SDK1: variants seen among roughly 807,000 people sequenced by gnomAD.
SDK1 encodes the protein protein sidekick-1.
SDK1 carries 157 observed loss-of-function variants against 245.5 expected under a neutral mutation model. The observed-to-expected ratio is 0.64, with a 90% CI of 0.56 to 0.73. SDK1 has a LOEUF of 0.73. Ranked by LOEUF, SDK1 falls within the 30% of genes least tolerant of loss-of-function variation. SDK1 has a pLI of 0.00. For missense variants in SDK1, 3,583 were observed against 3,002.3 expected, an observed-to-expected ratio of 1.19 and a Z score of -4.52; for synonymous variants, 1,647 against 1,278.5, an observed-to-expected ratio of 1.29 and a Z score of -6.15.
intron 20 of SDK1, among the ~76,000 whole-genome samples, chr7:4,075,406 C>T (rs192020452): frequency 1.3e-5 from 2 of 152,274 alleles, no homozygotes; most frequent in Admixed American, 1.3e-4. Flanking sequence ...CAACTCCTAG[C>T]TTTATTTATT....
intron 4 of SDK1, among the ~76,000 whole-genome samples, chr7:3,666,066 A>G (rs1483305685): frequency 6.6e-6 from 1 of 152,120 alleles, no homozygotes; most frequent in Non-Finnish European, 1.5e-5. Context: ...CCTGCAGGAA[A>G]TCTCAGCTGA....
At chr7:3,321,940 AC>A in intron 1 of SDK1, among the ~76,000 whole-genome samples, 1 of 147,484 alleles carries the variant, frequency 6.8e-6, no homozygotes, top group Middle Eastern at 4.0e-3. Flanking sequence ...CTCTGCTTAT[AC>A]CTTTGTTCCC....
intron 1 of SDK1, among the ~76,000 whole-genome samples, chr7:3,402,700 A>C (rs937567856): frequency 1.3e-5 from 2 of 152,142 alleles, no homozygotes; most frequent in African/African-American, 4.8e-5. Flanking sequence ...TCTTGATTGC[A>C]GTTTTCCCTT....
At chr7:4,043,305 G>A (rs1436840849) in intron 17 of SDK1, among the ~76,000 whole-genome samples, 1 of 135,230 alleles carries the variant, frequency 7.4e-6, no homozygotes, top group Non-Finnish European at 1.5e-5. Flanking sequence ...CAGGGGCCCA[G>A]GTAGAGTGAG....
At chr7:3,728,849 G>A (rs370920838) in intron 4 of SDK1, among the ~76,000 whole-genome samples, 7 of 151,934 alleles carry the variant, frequency 4.6e-5, no homozygotes, top group African/African-American at 7.3e-5. Context: ...CAGGTAACCC[G>A]CCCACTTTGG....
At chr7:4,087,282 A>AT (rs1189712330) in intron 22 of SDK1, among the ~76,000 whole-genome samples, 4 of 151,986 alleles carry the variant, frequency 2.6e-5, no homozygotes, top group Non-Finnish European at 4.4e-5. Flanking sequence ...TAAAATGACC[A>AT]TTTTTTTTCC....
chr7:3,829,098 A>C (rs1051971586), intron 5 of SDK1, among the ~76,000 whole-genome samples: 3 of 152,246 alleles, frequency 2.0e-5, no homozygotes, highest in African/African-American at 2.4e-5. Flanking sequence ...TCCTTTGAAT[A>C]CATATAGATG....
chr7:4,137,733 C>T (rs1226333066), intron 28 of SDK1, among the ~76,000 whole-genome samples: 3 of 152,246 alleles, frequency 2.0e-5, no homozygotes, highest in Admixed American at 6.5e-5. Flanking sequence ...CTGTTCATTC[C>T]TCCCTCGCAC....
chr7:3,672,922 T>C (rs1783764785), intron 4 of SDK1, among the ~76,000 whole-genome samples: 1 of 150,308 alleles, frequency 6.7e-6, no homozygotes, highest in South Asian at 2.1e-4. Flanking sequence ...ATTCTAACTC[T>C]TGAAATGGTT....
intron 38 of SDK1, among the ~76,000 whole-genome samples, chr7:4,210,568 C>T (rs1202296720): frequency 1.3e-5 from 2 of 152,170 alleles, no homozygotes; most frequent in Admixed American, 6.5e-5. Flanking sequence ...CACAGGCCTT[C>T]GGCTACCCTC....
At chr7:3,463,349 CATGA>C (rs58081155) in intron 1 of SDK1, among the ~76,000 whole-genome samples, 7,227 of 151,822 alleles carry the variant, frequency 0.048, 411 homozygotes, top group African/African-American at 0.14. Context: ...CTCACATATT[CATGA>C]ATGAATGAAT....
intron 36 of SDK1, among the ~76,000 whole-genome samples, 157 bp downstream of exon 36, chr7:4,206,151 C>T (rs1183672670): frequency 6.6e-6 from 1 of 152,250 alleles, no homozygotes; most frequent in Non-Finnish European, 1.5e-5. Context: ...GGCCTGTTAA[C>T]TGTGGTCACA....
intron 17 of SDK1, among the ~76,000 whole-genome samples, chr7:4,035,755 G>A (rs1788162233): frequency 6.6e-6 from 1 of 152,174 alleles, no homozygotes; most frequent in South Asian, 2.1e-4. Flanking sequence ...AGCAGATAAT[G>A]TGTAAGATGA....
At chr7:4,030,555 C>T (rs1787727400) in intron 17 of SDK1, among the ~76,000 whole-genome samples, 2 of 152,306 alleles carry the variant, frequency 1.3e-5, no homozygotes, top group South Asian at 2.1e-4. Flanking sequence ...CCCTGGGGCA[C>T]CTTCTCCTCC....
intron 7 of SDK1, among the ~76,000 whole-genome samples, chr7:3,957,474 T>A (rs1281609726): frequency 2.0e-5 from 3 of 152,244 alleles, no homozygotes; most frequent in Non-Finnish European, 4.4e-5. Context: ...TCGACAGTTT[T>A]CTAAAAAGAA....
chr7:4,175,025 C>T (rs963202487), intron 33 of SDK1, among the ~76,000 whole-genome samples: 3 of 152,220 alleles, frequency 2.0e-5, no homozygotes, highest in Admixed American at 6.5e-5. Context: ...CAGAACACGC[C>T]GTGTGGACGG....
At chr7:3,791,406 G>A (rs1350243043) in intron 4 of SDK1, among the ~76,000 whole-genome samples, 1 of 152,210 alleles carries the variant, frequency 6.6e-6, no homozygotes, top group East Asian at 1.9e-4. Flanking sequence ...ATATGGACCA[G>A]CTCATCATGG....
chr7:3,643,357 G>C (rs1029661083), intron 4 of SDK1: 1 of 148,158 alleles, frequency 6.7e-6, no homozygotes, highest in African/African-American at 2.5e-5. Flanking sequence ...TAAACCTGGT[G>C]ATTCTCGTCT....
intron 1 of SDK1, among the ~76,000 whole-genome samples, chr7:3,351,074 A>T (rs1405621162): frequency 1.3e-5 from 2 of 152,184 alleles, no homozygotes; most frequent in Admixed American, 1.3e-4. Context: ...AGAAGAATAA[A>T]AAATTTGAAA....
Sources: allele counts gnomAD v4.1 joint callset (sites outside exome capture counted in the v4.1 genomes callset), GRCh38; gene constraint gnomAD v4.1.1; transcripts MANE v1.5; gene names NCBI Gene and HGNC (gene_info 2026-07-23, HGNC 2026-07-21).